SORCS2: variants seen among roughly 807,000 people sequenced by gnomAD.
The protein encoded by SORCS2 is sortilin related VPS10 domain containing receptor 2, also known as VPS10 domain-containing receptor SorCS2.
SORCS2 carries 100 observed loss-of-function variants against 141.6 expected under a neutral mutation model. The ratio of observed to expected loss-of-function variants is 0.71; its 90% CI spans 0.60 to 0.83. The LOEUF (loss-of-function observed/expected upper bound fraction) is 0.83, where lower values mean the gene tolerates loss of function less well. Among genes scored for constraint, SORCS2 ranks in the 40% least tolerant of loss-of-function variants. SORCS2 has a pLI of 0.00. For missense variants in SORCS2, 1,646 were observed against 1,560.2 expected (o/e 1.05, Z -0.93); for synonymous variants, 789 against 676.9 (o/e 1.17, Z -2.57).
intron 2 of SORCS2, among the ~76,000 whole-genome samples, chr4:7,422,936 C>T (rs1016351245): frequency 6.6e-6 from 1 of 152,184 alleles, no homozygotes; most frequent in Non-Finnish European, 1.5e-5. Context: ...CGGCCCCTCT[C>T]CATGGCCAGA....
At chr4:7,677,259 C>T (rs1001913862) in intron 9 of SORCS2, among the ~76,000 whole-genome samples, 12 of 152,208 alleles carry the variant, frequency 7.9e-5, no homozygotes, top group African/African-American at 2.7e-4. Flanking sequence ...ACGCCCCGTG[C>T]ATCGCACCAA....
intron 3 of SORCS2, 49 bp downstream of exon 3, chr4:7,531,678 G>T (rs369438415): frequency 1.3e-6 from 2 of 1,551,638 alleles, no homozygotes; most frequent in Non-Finnish European, 1.8e-6. Flanking sequence ...GCCTTGTGCC[G>T]CTCACTCTGC....
chr4:7,462,612 G>T lies in SORCS2; in HGVS notation c.548+66257G>T, dbSNP rs115316837. Among the ~76,000 whole-genome samples the T allele has an allele frequency of 3.2e-3, 485 of 152,036 alleles. 4 individuals are homozygous for T. Among genetic ancestry groups the T allele is most frequent in the African/African-American group, 0.011 (464 of 41,472 alleles). The stretch of plus-strand genomic sequence containing the variant: ...CGTGGCACTGTCATCTGTTTCCAGA[G>T]TGCCCTCTGCTGTCAGAGTGACCTT... On this transcript the variant is annotated intron_variant, in intron 2 of 26. Coordinates refer to ENST00000507866, the MANE Select transcript of SORCS2 (RefSeq NM_020777.3).
chr4:7,704,299 C>T lies in SORCS2; in HGVS notation c.1868+15C>T, dbSNP rs746384177. The T allele has an allele frequency of 3.1e-5, 49 of 1,596,326 alleles. No homozygotes were observed. The highest frequency in any genetic ancestry group is 6.8e-5 in the East Asian group (3 of 44,206). On this transcript the variant is annotated intron_variant, in intron 14 of 26. Transcript: ENST00000507866. ...CTGGTCATGACGTGAGTGCGGGGAC[C>T]GGGGAGTGGGCACTGGTGGCAGGGC...
chr4:7,514,028 G>A (rs1003435578), intron 2 of SORCS2, among the ~76,000 whole-genome samples: 2 of 152,158 alleles, frequency 1.3e-5, no homozygotes, highest in African/African-American at 4.8e-5. Flanking sequence ...TGGGCATCGT[G>A]CGTGCATTTC....
At chr4:7,676,288 C>T in intron 9 of SORCS2, 59 bp downstream of exon 9, 1 of 1,508,052 alleles carries the variant, frequency 6.6e-7, no homozygotes, top group Non-Finnish European at 8.9e-7. Context: ...TCTGCCCTCT[C>T]ACCCCACCTC....
intron 1 of SORCS2, among the ~76,000 whole-genome samples, chr4:7,218,762 G>C (rs57971854): frequency 2.0e-5 from 3 of 152,214 alleles, no homozygotes; most frequent in African/African-American, 7.2e-5. Flanking sequence ...GATGAATCCC[G>C]ATAGGAATGT....
intron 8 of SORCS2, 135 bp from the exon 9 acceptor site, chr4:7,675,915 G>T (rs745947490): frequency 3.2e-5 from 31 of 970,598 alleles, no homozygotes; most frequent in Non-Finnish European, 4.7e-5. Context: ...CGAGCCAGGA[G>T]GCAAACCTAG....
intron 1 of SORCS2, among the ~76,000 whole-genome samples, chr4:7,256,827 T>G (rs1713913516): frequency 6.6e-6 from 1 of 150,456 alleles, no homozygotes; most frequent in African/African-American, 2.4e-5. Context: ...GGGGGAAGAG[T>G]GGGGAGCTCG....
intron 3 of SORCS2, among the ~76,000 whole-genome samples, chr4:7,579,340 C>T (rs1247682271): frequency 6.6e-6 from 1 of 152,158 alleles, no homozygotes; most frequent in Non-Finnish European, 1.5e-5. Flanking sequence ...ATGCGCTGGG[C>T]TAGGCCACAC....
intron 14 of SORCS2, among the ~76,000 whole-genome samples, chr4:7,705,032 C>T (rs992885703): frequency 2.6e-5 from 4 of 151,878 alleles, no homozygotes; most frequent in African/African-American, 4.8e-5. Context: ...TCCTGTTTCC[C>T]GGAACCATGA....
intron 18 of SORCS2, among the ~76,000 whole-genome samples, chr4:7,718,710 C>G (rs946580199): frequency 3.9e-5 from 6 of 152,188 alleles, no homozygotes; most frequent in African/African-American, 1.4e-4. Context: ...GCCTCCCAGG[C>G]TTGCTTTTTT....
chr4:7,535,441 G>A (rs1452973680), intron 3 of SORCS2, among the ~76,000 whole-genome samples: 3 of 152,236 alleles, frequency 2.0e-5, no homozygotes, highest in Non-Finnish European at 4.4e-5. Context: ...CTGGGTCTGA[G>A]TCTGGCCCTG....
chr4:7,730,173 A>G (rs536690112), intron 23 of SORCS2, among the ~76,000 whole-genome samples: 1 of 152,328 alleles, frequency 6.6e-6, no homozygotes, highest in South Asian at 2.1e-4. Context: ...TGGAGGGGAT[A>G]AAAGACCTGC....
intron 3 of SORCS2, among the ~76,000 whole-genome samples, chr4:7,544,784 C>T (rs1713114430): frequency 6.6e-6 from 1 of 152,242 alleles, no homozygotes; most frequent in Admixed American, 6.5e-5. Flanking sequence ...AGTCACCTGC[C>T]ATCCCCAGTC....
At chr4:7,617,795 A>G (rs1718867911) in intron 3 of SORCS2, among the ~76,000 whole-genome samples, 1 of 152,076 alleles carries the variant, frequency 6.6e-6, no homozygotes, top group East Asian at 1.9e-4. Flanking sequence ...AGCCTTGGTG[A>G]TTTTGGAGCT....
intron 4 of SORCS2, among the ~76,000 whole-genome samples, chr4:7,650,252 T>C (rs1239208808): frequency 1.3e-5 from 2 of 152,356 alleles, no homozygotes; most frequent in East Asian, 3.9e-4. Flanking sequence ...TAGAAGCATC[T>C]ACTTCCTGGC....
chr4:7,328,635 T>G (rs3892223), intron 1 of SORCS2, among the ~76,000 whole-genome samples: 42,277 of 152,038 alleles, frequency 0.28, 6,216 homozygotes, highest in African/African-American at 0.36. Flanking sequence ...CTGCCTCAGG[T>G]ACCTAGCTGC....
intron 1 of SORCS2, among the ~76,000 whole-genome samples, chr4:7,211,739 A>G (rs1195101573): frequency 6.6e-6 from 1 of 152,128 alleles, no homozygotes. Flanking sequence ...CCATTAGGGA[A>G]GATGCAGGTG....
Sources: allele counts gnomAD v4.1 joint callset (sites outside exome capture counted in the v4.1 genomes callset), GRCh38; gene constraint gnomAD v4.1.1; transcripts MANE v1.5; gene names NCBI Gene and HGNC (gene_info 2026-07-23, HGNC 2026-07-21).